ALDH6A1: variants seen among roughly 807,000 people sequenced by gnomAD.
ALDH6A1 encodes methylmalonate-semialdehyde/malonate-semialdehyde dehydrogenase [acylating], mitochondrial.
A neutral mutation model predicts 62.6 loss-of-function variants in ALDH6A1; 43 were observed. The observed-to-expected ratio is 0.69, with a 90% CI of 0.54 to 0.89. The LOEUF (loss-of-function observed/expected upper bound fraction) is 0.89, where lower values mean the gene tolerates loss of function less well. ALDH6A1 is among the 40% of genes least tolerant of loss of function. The pLI, the probability that ALDH6A1 is intolerant of heterozygous loss-of-function variation, is 0.00. For missense variants in ALDH6A1, 551 were observed against 661.3 expected, an observed-to-expected ratio of 0.83 and a Z score of 1.83; for synonymous variants, 194 against 234.2, an observed-to-expected ratio of 0.83 and a Z score of 1.57.
chr14:74,079,582 G>A (rs530103062), intron 1 of ALDH6A1, among the ~76,000 whole-genome samples: 61 of 151,990 alleles, frequency 4.0e-4, no homozygotes, highest in Non-Finnish European at 5.3e-4. Context: ...ACAGGCGCCC[G>A]CCACCATGCC....
At chr14:74,066,246 G>T (rs10047853) in intron 9 of ALDH6A1, among the ~76,000 whole-genome samples, 2,832 of 152,216 alleles carry the variant, frequency 0.019, 56 homozygotes, top group African/African-American at 0.051. Flanking sequence ...TAGCCTGTGG[G>T]CCAAATGTGG....
intron 2 of ALDH6A1, among the ~76,000 whole-genome samples, chr14:74,074,273 G>A (rs1051222036): frequency 2.0e-5 from 3 of 150,042 alleles, no homozygotes; most frequent in South Asian, 2.1e-4. Context: ...CACTGCGCCC[G>A]GCCCCTTTCA....
In ALDH6A1 at chr14:74,065,456, G is replaced by A. The variant is rs914079061; in HGVS notation, c.1225-96C>T. ...CTTTCACTTACTACACATCATTTAC[G>A]TGGACAACTTTCATATTACTAATCT... On this transcript the variant is annotated intron_variant, in intron 9 of 11. Coordinates refer to ENST00000553458, the MANE Select transcript of ALDH6A1 (RefSeq NM_005589.4). The A allele has an allele frequency of 3.0e-5, 34 of 1,117,804 alleles. No individual in the cohort carries two copies. The Admixed American group carries it at 4.5e-4, about 15-fold the overall frequency. 69.2% of individuals were successfully genotyped at this position (1,117,804 alleles called of 1,614,324 possible). A position where few individuals can be genotyped will look rare whatever the true frequency, so the allele number is the denominator to read the frequency against.
intron 11 of ALDH6A1, among the ~76,000 whole-genome samples, chr14:74,063,798 G>A (rs1424949898): frequency 6.6e-6 from 1 of 150,768 alleles, no homozygotes; most frequent in South Asian, 2.1e-4. Context: ...CCTGGGAGGC[G>A]GAGGTTGCAG....
At chr14:74,074,573 C>T (rs1324505135) in intron 2 of ALDH6A1, among the ~76,000 whole-genome samples, 7 of 152,106 alleles carry the variant, frequency 4.6e-5, no homozygotes, top group Admixed American at 2.6e-4. Flanking sequence ...ATTTTTAAAG[C>T]GGTCTATGAA....
chr14:74,066,906 A>G lies in ALDH6A1; in HGVS notation c.1043-20T>C. 1.2e-6 allele frequency: 2 copies of G among 1,609,556 alleles called. No individual in the cohort carries two copies. Among genetic ancestry groups the G allele is most frequent in the Non-Finnish European group, 1.7e-6 (2 of 1,175,872 alleles). On this transcript the variant is annotated intron_variant, in intron 8 of 11. Coordinates refer to ENST00000553458, the MANE Select transcript of ALDH6A1 (RefSeq NM_005589.4). ...GATCTCCTGTAAAACAACACAGAAG[A>G]ATTTAAGGTCCTCATTAACATAAAT...
intron 1 of ALDH6A1, among the ~76,000 whole-genome samples, chr14:74,077,675 C>A (rs1258209486): frequency 6.6e-6 from 1 of 152,158 alleles, no homozygotes; most frequent in Non-Finnish European, 1.5e-5. Flanking sequence ...GAGGGATCCA[C>A]CCCCATGACC....
At chr14:74,079,728 G>A (rs548433376) in intron 1 of ALDH6A1, among the ~76,000 whole-genome samples, 1 of 152,068 alleles carries the variant, frequency 6.6e-6, no homozygotes, top group Non-Finnish European at 1.5e-5. Flanking sequence ...CACTGCGCCT[G>A]GCCTAATTTT....
chr14:74,071,327 T>A lies in ALDH6A1; in HGVS notation c.598A>T (p.Met200Leu). Reference sequence around the variant, plus strand: ...ATTAGGAAGGTATTTCCACACACCATGGCCATGGGAAACATCCAAAGGGGG... The same window carrying A: ...ATTAGGAAGGTATTTCCACACACCAAGGCCATGGGAAACATCCAAAGGGGG... ...MIPLWMFPMA[M>L]VCGNTFLMKP... The change falls in exon 6 of 12, where the codon ATG (methionine) becomes TTG (leucine). Residue 200 changes from methionine (M) to leucine (L), a missense_variant. Transcript: ENST00000553458. The A allele has an allele frequency of 6.2e-7, 1 of 1,614,168 alleles. No homozygotes were observed. Among genetic ancestry groups the A allele is most frequent in the African/African-American group, 1.3e-5 (1 of 75,030 alleles).
intron 2 of ALDH6A1, 64 bp downstream of exon 2, chr14:74,074,891 A>G (rs2060595256): frequency 6.7e-7 from 1 of 1,499,958 alleles, no homozygotes; most frequent in African/African-American, 1.4e-5. Flanking sequence ...TAAAGAAGAT[A>G]GAGATACCCA....
chr14:74,082,077 G>A (rs1278880372), intron 1 of ALDH6A1, among the ~76,000 whole-genome samples: 3 of 152,054 alleles, frequency 2.0e-5, no homozygotes, highest in East Asian at 1.9e-4. Flanking sequence ...ATGGGGGCAC[G>A]ATCTGTTGTT....
intron 11 of ALDH6A1, among the ~76,000 whole-genome samples, chr14:74,062,114 T>G (rs907797503): frequency 2.0e-5 from 3 of 148,084 alleles, no homozygotes; most frequent in Admixed American, 1.4e-4. Flanking sequence ...CAGAATTGCT[T>G]GAACCTGGGA....
intron 1 of ALDH6A1, 72 bp from the exon 2 acceptor site, chr14:74,075,089 T>C: frequency 7.1e-7 from 1 of 1,401,132 alleles, no homozygotes; most frequent in Non-Finnish European, 1.0e-6. Context: ...AAATAGCTAC[T>C]ATATGCTATT....
chr14:74,061,709 T>A (rs1197298434), intron 11 of ALDH6A1, among the ~76,000 whole-genome samples: 2 of 152,122 alleles, frequency 1.3e-5, no homozygotes, highest in Non-Finnish European at 2.9e-5. Flanking sequence ...AAGTAAAATG[T>A]CTGACATTAT....
Position 74,057,729 on chromosome 14 carries a change from A to C in ALDH6A1, c.*2913T>G. The stretch of plus-strand genomic sequence containing the variant: ...AATTAGTACAATGTAGAATCTGAGA[A>C]ATTTCAAATGAAGCCACATTAGAAC... On this transcript the variant is annotated 3_prime_UTR_variant, in exon 12 of 12. Transcript: ENST00000553458. 1 of 1,169,410 alleles carries C rather than the reference A, an allele frequency of 8.6e-7. No individual in the cohort carries two copies. Among genetic ancestry groups the C allele is most frequent in the Non-Finnish European group, 1.1e-6 (1 of 933,886 alleles). 72.4% of individuals were successfully genotyped at this position (1,169,410 alleles called of 1,614,324 possible).
chr14:74,083,295 C>T (rs1403599683), intron 1 of ALDH6A1, among the ~76,000 whole-genome samples: 1 of 152,194 alleles, frequency 6.6e-6, no homozygotes, highest in Non-Finnish European at 1.5e-5. Context: ...ATAAGAACGG[C>T]ACTGTTGTTT....
At chr14:74,062,150 A>T (rs7140415) in intron 11 of ALDH6A1, among the ~76,000 whole-genome samples, 78,450 of 151,088 alleles carry the variant, frequency 0.52, 21,059 homozygotes, top group East Asian at 0.89. Context: ...TGAGCCGAGA[A>T]TGCACCATTG....
At position 74,072,623 on chromosome 14, in the gene ALDH6A1, AAAC is replaced by A. The variant is rs758269654; in HGVS notation, c.112-15_112-13del. On this transcript the variant is annotated splice_polypyrimidine_tract_variant and intron_variant, in intron 2 of 11. Transcript: ENST00000553458. ...AGCTTTACAGTTGGCTGAAAAAAAC[AAAC>A]AAACAAACAAACAAACAAAAACATG... 1.0e-4 allele frequency: 162 copies of A among 1,597,732 alleles called. No homozygotes were observed. Among genetic ancestry groups the A allele is most frequent in the East Asian group, 5.6e-4 (25 of 44,814 alleles).
chr14:74,078,310 G>A (rs900541857), intron 1 of ALDH6A1: 6 of 454,334 alleles, frequency 1.3e-5, no homozygotes, highest in Middle Eastern at 3.2e-4. Flanking sequence ...AAAAGTGACC[G>A]AGACAGTGGT....
Sources: allele counts gnomAD v4.1 joint callset (sites outside exome capture counted in the v4.1 genomes callset), GRCh38; gene constraint gnomAD v4.1.1; transcripts MANE v1.5; gene names NCBI Gene and HGNC (gene_info 2026-07-23, HGNC 2026-07-21).